The following FCHO1 variants were observed in gnomAD, a reference collection of about 807,000 sequenced individuals.
FCHO1 encodes F-BAR domain only protein 1.
In FCHO1, 45 loss-of-function variants were observed where a neutral mutation model predicts 114.4. The ratio of observed to expected loss-of-function variants is 0.39; its 90% CI spans 0.31 to 0.50. The LOEUF is 0.50. FCHO1 is among the 20% of genes least tolerant of loss of function. FCHO1 has a pLI of 0.77. For synonymous variants in FCHO1, 480 were observed against 488.9 expected (o/e 0.98, Z 0.24); for missense variants, 1,042 against 1,209.6 (o/e 0.86, Z 2.06).
intron 9 of FCHO1, among the ~76,000 whole-genome samples, chr19:17,772,249 T>G (rs2091795594): frequency 6.6e-6 from 1 of 152,162 alleles, no homozygotes; most frequent in Admixed American, 6.6e-5. Context: ...CAACCCCCAC[T>G]TACATCCCAT....
intron 26 of FCHO1, among the ~76,000 whole-genome samples, chr19:17,785,975 AT>A (rs200061044): frequency 1.4e-3 from 213 of 150,456 alleles, no homozygotes; most frequent in African/African-American, 4.7e-3. Flanking sequence ...AAAAACAAAA[AT>A]TTAAAAAAAA....
At position 17,774,693 on chromosome 19, in the gene FCHO1, G is replaced by A. The variant is rs1007439974; in HGVS notation, c.920+215G>A. 8 of 593,026 alleles carry A rather than the reference G, an allele frequency of 1.3e-5. No homozygotes were observed. The East Asian group carries it at 1.7e-4, about 12-fold the overall frequency. The allele number at this position is 593,026 out of a possible 1,614,324, so 36.7% of individuals were successfully genotyped here. A position where few individuals can be genotyped will look rare whatever the true frequency, so the allele number is the denominator to read the frequency against. ...AAGCTAGTCCAGAATTCTTCCTTTT[G>A]CTAGGTTAGGCCAGGAATTGCCTGT... is the stretch of plus-strand genomic sequence containing the variant. On this transcript the variant is annotated intron_variant, in intron 13 of 28. Transcript: ENST00000596536.
In FCHO1 at chr19:17,784,103, T is replaced by C; in HGVS notation, c.2094T>C (p.Ser698=). The C allele has an allele frequency of 6.2e-7, 1 of 1,613,940 alleles. No individual in the cohort carries two copies. The highest frequency in any genetic ancestry group is 1.3e-5 in the African/African-American group (1 of 75,052). Reference sequence around the variant, plus strand: ...GGGTGATCAGTCCGGGTCTCTGCAGTGACCCCTCCCAGAGTGACCCTGAGA... The same window carrying C: ...GGGTGATCAGTCCGGGTCTCTGCAGCGACCCCTCCCAGAGTGACCCTGAGA... The part of the protein sequence containing the change: ...HFQPNADLLF[S]DPSQSDPETK... The change falls in exon 25 of 29, where the codon AGT becomes AGC. Residue 698 remains serine (S), a splice_region_variant and synonymous_variant. Coordinates refer to ENST00000596536, the MANE Select transcript of FCHO1 (RefSeq NM_015122.3). This position sits in a 1 kb window ranked among gnomAD's most constrained non-coding sequence, Gnocchi z 5.3.
At chr19:17,774,537 C>G (rs1599707421) in intron 13 of FCHO1, 59 bp downstream of exon 13, 1 of 1,380,338 alleles carries the variant, frequency 7.2e-7, no homozygotes, top group East Asian at 2.3e-5. Flanking sequence ...CTCCCCTGCC[C>G]AGGCTATCCC....
rs1290808450 is a variant in FCHO1 at position 17,759,912 on chromosome 19, T to C, written c.28-2850T>C. 2.6e-5 allele frequency among the ~76,000 whole-genome samples: 4 copies of C among 152,310 alleles called. No homozygotes were observed. In the East Asian group the frequency reaches 7.7e-4, roughly 29 times the overall value. On this transcript the variant is annotated intron_variant, in intron 4 of 28. Coordinates refer to ENST00000596536, the MANE Select transcript of FCHO1 (RefSeq NM_015122.3). Reference sequence around the variant, plus strand: ...ATTATTTTTTGTTTTCTGTAGATGGTCATATAATCTGGTCTCAATTATTTT... The same window carrying C: ...ATTATTTTTTGTTTTCTGTAGATGGCCATATAATCTGGTCTCAATTATTTT...
rs1395961988 is a variant in FCHO1 at position 17,772,626 on chromosome 19, C to G, written c.694-19C>G. 1.9e-6 allele frequency: 3 copies of G among 1,613,868 alleles called. No individual in the cohort carries two copies. Among genetic ancestry groups the G allele is most frequent in the African/African-American group, 1.3e-5 (1 of 75,032 alleles). ...CAAAGGGGCCTTGACCAGTTACACA[C>G]CCCGCCCACCCGGCACAGGTGCATG... On this transcript the variant is annotated intron_variant, in intron 10 of 28. Transcript: ENST00000596536.
Position 17,788,372 on chromosome 19 carries a change from C to G in FCHO1, c.*66C>G, listed in dbSNP as rs1398245704. ...GTGCTGGCTGACCACCCCCTGCCCT[C>G]CTGCCGGACCCTGGGGCCTCCCACC... On this transcript the variant is annotated 3_prime_UTR_variant, in exon 29 of 29. Coordinates refer to ENST00000596536, the MANE Select transcript of FCHO1 (RefSeq NM_015122.3). 1.6e-6 allele frequency: 2 copies of G among 1,252,616 alleles called. No individual in the cohort carries two copies. Among genetic ancestry groups the G allele is most frequent in the African/African-American group, 1.5e-5 (1 of 68,148 alleles). The allele number at this position is 1,252,616 out of a possible 1,614,324, so 77.6% of individuals were successfully genotyped here. A position where few individuals can be genotyped will look rare whatever the true frequency, so the allele number is the denominator to read the frequency against.
intron 3 of FCHO1, 167 bp downstream of exon 3, chr19:17,754,848 C>T (rs1474872006): frequency 5.0e-6 from 2 of 402,004 alleles, no homozygotes; most frequent in Non-Finnish European, 4.6e-6. Context: ...CTCCTCCAAT[C>T]TAGACTCCCT....
At position 17,787,764 on chromosome 19, in the gene FCHO1, G is replaced by A. The variant is rs200161942; in HGVS notation, c.2565G>A (p.Glu855=). 1.9e-6 allele frequency: 3 copies of A among 1,609,992 alleles called. No homozygotes were observed. The South Asian group carries it at 3.3e-5, about 18-fold the overall frequency. Residue 855 remains glutamate, a synonymous_variant, in exon 28 of 29, where the codon GAG becomes GAA. Coordinates refer to ENST00000596536, the MANE Select transcript of FCHO1 (RefSeq NM_015122.3). ...CCGTGGCTGCACAGTTCACCAGCGA[G>A]GGGACCACTCTGTCGGGCGTGGACT... ...PSPVAAQFTS[E]GTTLSGVDLE... is the part of the protein sequence containing the mutation.
In FCHO1 at chr19:17,772,648, C is replaced by T; in HGVS notation, c.697C>T (p.His233Tyr). 1 of 1,614,010 alleles carries T rather than the reference C, an allele frequency of 6.2e-7. No individual in the cohort carries two copies. The highest frequency in any genetic ancestry group is 1.3e-5 in the African/African-American group (1 of 75,006). Residue 233 changes from histidine to tyrosine, a missense_variant, in exon 11 of 29, where the codon CAT (histidine) becomes TAT (tyrosine). Transcript: ENST00000596536. Reference sequence around the variant, plus strand: ...ACACCCCGCCCACCCGGCACAGGTGCATGAGGAATTTAAGCAGAACATCGA... The same window carrying T: ...ACACCCCGCCCACCCGGCACAGGTGTATGAGGAATTTAAGCAGAACATCGA... Reference protein sequence around the residue: ...EDTHVQIGQVHEEFKQNIENV... With the variant: ...EDTHVQIGQVYEEFKQNIENV...
At chr19:17,785,811 G>A (rs1407434571) in intron 26 of FCHO1, among the ~76,000 whole-genome samples, 3 of 141,976 alleles carry the variant, frequency 2.1e-5, no homozygotes, top group Non-Finnish European at 4.5e-5. Context: ...TCCAGCCTGG[G>A]CAACAGAGTG....
upstream of FCHO1, among the ~76,000 whole-genome samples, chr19:17,748,511 G>C (rs540195834): frequency 2.0e-5 from 3 of 151,694 alleles, no homozygotes; most frequent in Admixed American, 6.6e-5. Context: ...TGGACTTGGG[G>C]GGGGGGTCCC....
chr19:17,774,630 T>C, intron 13 of FCHO1, 152 bp downstream of exon 13: 1 of 632,560 alleles, frequency 1.6e-6, no homozygotes, highest in South Asian at 1.9e-5. Flanking sequence ...AGACCAGGAG[T>C]ACCTCTGCCC....
At chr19:17,751,346 C>CCA (rs2081908513), upstream of FCHO1, 1 of 152,268 alleles carries the variant, frequency 6.6e-6, no homozygotes, top group Admixed American at 6.5e-5. This position sits in a 1 kb window ranked among gnomAD's most constrained non-coding sequence, Gnocchi z 4.4. Context: ...TCAAGCGCCT[C>CCA]TTGTTTACTC....
At chr19:17,782,071 G>A (rs2382982) in intron 23 of FCHO1, among the ~76,000 whole-genome samples, 86,926 of 149,522 alleles carry the variant, frequency 0.58, 25,483 homozygotes, top group East Asian at 0.81. Context: ...GTGCAATCTC[G>A]CAATCTCAGC....
Position 17,787,714 on chromosome 19 carries a change from C to T in FCHO1, c.2515C>T (p.Leu839Phe). The change falls in exon 28 of 29, where the codon CTC (leucine) becomes TTC (phenylalanine). Residue 839 changes from leucine (L) to phenylalanine (F), a missense_variant. Around this residue, in one of 3 missense-constraint regions of FCHO1, gnomAD observed 137 missense variants for 190.0 expected, o/e 0.72. Coordinates refer to ENST00000596536, the MANE Select transcript of FCHO1 (RefSeq NM_015122.3). ...CCGCCTCTCTGCCAGCTGGGAGCCG[C>T]TCTCAGGGCCCAGCACACCCAGCCC... is the stretch of plus-strand genomic sequence containing the variant. ...SGRLSASWEP[L>F]SGPSTPSPVA... 1 of 1,573,468 alleles carries T rather than the reference C, an allele frequency of 6.4e-7. No individual in the cohort carries two copies.
At position 17,755,197 on chromosome 19, in the gene FCHO1, A is replaced by G. The variant is rs749006612; in HGVS notation, c.27+6A>G. ...ATTTTGGGGAGCATTTTTGGGTAAG[A>G]CCCACTCTTATTTAGGCGGGGGATG... On this transcript the variant is annotated splice_donor_region_variant and intron_variant, in intron 4 of 28. Transcript: ENST00000596536. The G allele has an allele frequency of 1.8e-5, 29 of 1,605,940 alleles. No homozygotes were observed. In the East Asian group the frequency reaches 4.3e-4, roughly 24 times the overall value.
upstream of FCHO1, among the ~76,000 whole-genome samples, chr19:17,750,638 T>C (rs909756496): frequency 3.3e-5 from 5 of 151,716 alleles, no homozygotes; most frequent in African/African-American, 1.2e-4. Flanking sequence ...TTTGTATTTT[T>C]AGTAGAGACG....
intron 3 of FCHO1, 174 bp downstream of exon 3, chr19:17,754,855 C>A (rs2082921854): frequency 1.4e-5 from 6 of 418,456 alleles, no homozygotes; most frequent in Non-Finnish European, 2.7e-5. Flanking sequence ...AATCTAGACT[C>A]CCTCAGCTCT....
Sources: gnomAD v4.1 joint callset for allele counts (sites outside exome capture counted in the v4.1 genomes callset) on GRCh38, gnomAD v4.1.1 for gene constraint, gnomAD v4.1.1 regional missense constraint, Gnocchi (gnomAD v3.1) non-coding constraint, MANE v1.5 for transcripts, NCBI Gene and HGNC (gene_info 2026-07-23, HGNC 2026-07-21) for gene names.